NPTN: variants seen among roughly 807,000 people sequenced by gnomAD.
The protein encoded by NPTN is SDR-1.
Under a neutral mutation model 42.7 loss-of-function variants are expected in NPTN, and 5 were observed. The observed-to-expected ratio is 0.12, with a 90% confidence interval of 0.06 to 0.25. The LOEUF is 0.25. Among genes scored for constraint, NPTN ranks in the 10% least tolerant of loss-of-function variants. The pLI, the probability that NPTN is intolerant of heterozygous loss-of-function variation, is 1.00. For missense variants in NPTN, 307 were observed against 525.4 expected (o/e 0.58, Z 4.06); for synonymous variants, 180 against 201.9 (o/e 0.89, Z 0.92).
chr15:73,608,629 A>ATTCTAAAATAAGGAGC (rs11275002), intron 1 of NPTN, among the ~76,000 whole-genome samples: 8 of 152,122 alleles, frequency 5.3e-5, no homozygotes, highest in Admixed American at 3.9e-4. Context: ...TGAAGAGCAT[A>ATTCTAAAATAAGGAGC]TTGGGCTTCT....
intron 1 of NPTN, among the ~76,000 whole-genome samples, chr15:73,611,128 G>A (rs992107557): frequency 1.3e-5 from 2 of 152,144 alleles, no homozygotes; most frequent in Non-Finnish European, 2.9e-5. Context: ...TTGATATTTG[G>A]TATGACACAG....
At chr15:73,608,241 A>T (rs1032433760) in intron 1 of NPTN, among the ~76,000 whole-genome samples, 1 of 152,234 alleles carries the variant, frequency 6.6e-6, no homozygotes, top group Non-Finnish European at 1.5e-5. Flanking sequence ...TCCTAAACAG[A>T]TTTCAACCTT....
In NPTN at chr15:73,569,942, G is replaced by A; in HGVS notation, c.1114+208C>T. Reference sequence around the variant, plus strand: ...AGAGAGCTAAGGACAGCTCTAGATGGCTAATGCAAAAAAAATAAAAATAAA... The same window carrying A: ...AGAGAGCTAAGGACAGCTCTAGATGACTAATGCAAAAAAAATAAAAATAAA... On this transcript the variant is annotated intron_variant, in intron 6 of 8. Coordinates refer to ENST00000345330, the MANE Select transcript of NPTN (RefSeq NM_012428.4). The surrounding 1 kb of genome is among the most constrained non-coding windows in gnomAD (Gnocchi z 4.1). 2.5e-6 allele frequency: 1 copy of A among 392,376 alleles called. No homozygotes were observed. Among genetic ancestry groups the A allele is most frequent in the Non-Finnish European group, 3.5e-6 (1 of 288,454 alleles). The allele number at this position is 392,376 out of a possible 1,614,324, so 24.3% of individuals were successfully genotyped here.
chr15:73,595,931 G>A (rs1311450244), intron 2 of NPTN, among the ~76,000 whole-genome samples: 3 of 152,200 alleles, frequency 2.0e-5, no homozygotes, highest in Non-Finnish European at 4.4e-5. Context: ...AGGATTCTGA[G>A]CCAGCTGGTC....
At chr15:73,606,945 C>A (rs1242789885) in intron 1 of NPTN, among the ~76,000 whole-genome samples, 2 of 152,182 alleles carry the variant, frequency 1.3e-5, no homozygotes, top group Admixed American at 6.5e-5. Context: ...TCCTCAGTAT[C>A]AGATCAGGTT....
chr15:73,620,896 T>C (rs1213349082), intron 1 of NPTN, among the ~76,000 whole-genome samples: 4 of 152,226 alleles, frequency 2.6e-5, no homozygotes, highest in Non-Finnish European at 5.9e-5. Flanking sequence ...TGTCTTTCTG[T>C]CCAGCCATCT....
chr15:73,583,289 T>C (rs1223467977), intron 4 of NPTN, among the ~76,000 whole-genome samples: 6 of 152,226 alleles, frequency 3.9e-5, no homozygotes, highest in Non-Finnish European at 7.3e-5. Flanking sequence ...AAATGTTACA[T>C]GCTCAACAGG....
chr15:73,627,033 G>A (rs1475275835), intron 1 of NPTN, among the ~76,000 whole-genome samples: 1 of 152,154 alleles, frequency 6.6e-6, no homozygotes, highest in African/African-American at 2.4e-5. Context: ...TCAGGAGTTC[G>A]AGATCAGCCT....
intron 5 of NPTN, among the ~76,000 whole-genome samples, chr15:73,573,073 T>C (rs1895499693): frequency 6.6e-6 from 1 of 152,202 alleles, no homozygotes; most frequent in South Asian, 2.1e-4. Flanking sequence ...CTTACAGGGA[T>C]CACTTAAGAA....
chr15:73,568,189 C>G (rs1895146114), intron 6 of NPTN: 1 of 985,334 alleles, frequency 1.0e-6, no homozygotes, highest in Non-Finnish European at 1.2e-6. Context: ...ATCTAACCTA[C>G]CACATGCACT....
chr15:73,590,135 ACT>A (rs1423478812), intron 3 of NPTN, among the ~76,000 whole-genome samples: 1 of 152,004 alleles, frequency 6.6e-6, no homozygotes, highest in Non-Finnish European at 1.5e-5. Context: ...ATTCCCTTGG[ACT>A]AGCTATTAGG....
At chr15:73,564,429 G>A (rs1248080664) in intron 6 of NPTN, among the ~76,000 whole-genome samples, 2 of 152,104 alleles carry the variant, frequency 1.3e-5, no homozygotes, top group African/African-American at 4.8e-5. Flanking sequence ...TCGAGGCAAC[G>A]GAGAGGCAAA....
rs1232309773 is a variant in NPTN at position 73,569,683 on chromosome 15, C to T, written c.1114+467G>A. 1.0e-5 allele frequency: 10 copies of T among 985,330 alleles called. No individual in the cohort carries two copies. In the Admixed American group the frequency reaches 5.5e-4, roughly 55 times the overall value. The allele number at this position is 985,330 out of a possible 1,614,324, so 61.0% of individuals were successfully genotyped here. A position where few individuals can be genotyped will look rare whatever the true frequency, so the allele number is the denominator to read the frequency against. On this transcript the variant is annotated intron_variant, in intron 6 of 8. Transcript: ENST00000345330. The surrounding 1 kb of genome is among the most constrained non-coding windows in gnomAD (Gnocchi z 4.1). ...GGGGCAGTTACCTACAGGGGCTACA[C>T]CAGGCAACCATGTGACAACCAGTTA...
intron 1 of NPTN, among the ~76,000 whole-genome samples, chr15:73,612,925 G>A (rs1241736588): frequency 6.6e-6 from 1 of 152,148 alleles, no homozygotes; most frequent in Non-Finnish European, 1.5e-5. Context: ...ATGCCCAGGA[G>A]AATAAATTAC....
In NPTN at chr15:73,591,946, G is replaced by C. The variant is rs751041056; in HGVS notation, c.611+20C>G. 6.3e-7 allele frequency: 1 copy of C among 1,596,324 alleles called. No homozygotes were observed. The highest frequency in any genetic ancestry group is 8.6e-7 in the Non-Finnish European group (1 of 1,169,486). ...GCCACACTCCCTCCCACCTTCCCAG[G>C]AGCTGCCCACCACTCTCACCTGTAC... On this transcript the variant is annotated intron_variant, in intron 3 of 8. Coordinates refer to ENST00000345330, the MANE Select transcript of NPTN (RefSeq NM_012428.4).
At chr15:73,630,678 A>C (rs1175484330) in intron 1 of NPTN, among the ~76,000 whole-genome samples, 2 of 152,254 alleles carry the variant, frequency 1.3e-5, no homozygotes, top group Admixed American at 1.3e-4. Context: ...ATTCAGAGAT[A>C]CTTGTGAGTT....
chr15:73,597,410 A>AT lies in NPTN; in HGVS notation c.92-42_92-41insA. On this transcript the variant is annotated intron_variant, in intron 1 of 8. Transcript: ENST00000345330. The surrounding 1 kb of genome is among the most constrained non-coding windows in gnomAD (Gnocchi z 6.3). ...GCAGGAATGCAGTGACAGGCCAATCAGAAAAAAAAAAAAGAATCAACAGGT... is the reference window on the plus strand; with the variant it reads ...GCAGGAATGCAGTGACAGGCCAATCATGAAAAAAAAAAAAGAATCAACAGGT... 7 of 1,400,580 alleles carry AT rather than the reference A, an allele frequency of 5.0e-6. No homozygotes were observed. Among genetic ancestry groups the AT allele is most frequent in the East Asian group, 2.4e-5 (1 of 42,028 alleles). 86.8% of individuals were successfully genotyped at this position (1,400,580 alleles called of 1,614,324 possible).
chr15:73,613,755 A>G (rs916619209), intron 1 of NPTN, among the ~76,000 whole-genome samples: 4 of 151,904 alleles, frequency 2.6e-5, no homozygotes, highest in African/African-American at 9.7e-5. Flanking sequence ...GCACAATCTC[A>G]GCTCACTGCA....
At chr15:73,594,720 T>C (rs1333585698) in intron 2 of NPTN, among the ~76,000 whole-genome samples, 2 of 152,266 alleles carry the variant, frequency 1.3e-5, no homozygotes, top group South Asian at 2.1e-4. Context: ...AAGCAGTGGA[T>C]AGGAGACCCT....
Sources: allele counts gnomAD v4.1 joint callset (sites outside exome capture counted in the v4.1 genomes callset), GRCh38; gene constraint gnomAD v4.1.1; non-coding constraint Gnocchi (gnomAD v3.1); transcripts MANE v1.5; gene names NCBI Gene and HGNC (gene_info 2026-07-23, HGNC 2026-07-21).